The following SMAD2 variants were observed in gnomAD, a reference collection of about 807,000 sequenced individuals.
The protein encoded by SMAD2 is SMAD family member 2.
Under a neutral mutation model 64.4 loss-of-function variants are expected in SMAD2, and 8 were observed. The observed-to-expected ratio is 0.12, with a 90% CI of 0.07 to 0.22. The LOEUF (loss-of-function observed/expected upper bound fraction) is 0.22, where lower values mean the gene tolerates loss of function less well. Among genes scored for constraint, SMAD2 ranks in the 10% least tolerant of loss-of-function variants. The pLI, the probability that SMAD2 is intolerant of heterozygous loss-of-function variation, is 1.00. For synonymous variants in SMAD2, 203 were observed against 195.8 expected (o/e 1.04, Z -0.31); for missense variants, 289 against 561.2 (o/e 0.51, Z 4.90).
chr18:47,848,273 A>G (rs1036635933), intron 8 of SMAD2, among the ~76,000 whole-genome samples: 1 of 152,228 alleles, frequency 6.6e-6, no homozygotes, highest in Non-Finnish European at 1.5e-5. Flanking sequence ...GGTGCCAAAT[A>G]AAAGTTGAAG....
Position 47,837,773 on chromosome 18 carries a change from G to C in SMAD2, c.*4054C>G. ...TCAGAGTAAGAAAAAAGTATTCATT[G>C]TTCATGTCCACAGACTAGATATCTA... On this transcript the variant is annotated 3_prime_UTR_variant, in exon 11 of 11. Transcript: ENST00000262160. The C allele has an allele frequency of 4.3e-6, 1 of 232,928 alleles. No individual in the cohort carries two copies. Among genetic ancestry groups the C allele is most frequent in the Non-Finnish European group, 8.5e-6 (1 of 117,796 alleles). The allele number at this position is 232,928 out of a possible 1,614,324, so 14.4% of individuals were successfully genotyped here. A position where few individuals can be genotyped will look rare whatever the true frequency, so the allele number is the denominator to read the frequency against.
At chr18:47,855,992 A>T (rs2030640877) in intron 6 of SMAD2, among the ~76,000 whole-genome samples, 1 of 152,164 alleles carries the variant, frequency 6.6e-6, no homozygotes, top group Non-Finnish European at 1.5e-5. Flanking sequence ...TGAATAAATA[A>T]AGAAATGGAG....
intron 8 of SMAD2, among the ~76,000 whole-genome samples, chr18:47,846,043 AG>A (rs1234853000): frequency 2.0e-5 from 3 of 152,212 alleles, no homozygotes; most frequent in African/African-American, 7.2e-5. Flanking sequence ...TAAACAATGT[AG>A]AAAAAGTACA....
At chr18:47,904,163 T>A (rs765526436) in intron 1 of SMAD2, among the ~76,000 whole-genome samples, 4 of 150,628 alleles carry the variant, frequency 2.7e-5, no homozygotes, top group Admixed American at 6.7e-5. Context: ...ATTCACAAGC[T>A]CTTTTCCAAG....
chr18:47,927,847 C>T (rs765523418), intron 1 of SMAD2, among the ~76,000 whole-genome samples: 23 of 152,102 alleles, frequency 1.5e-4, no homozygotes, highest in Non-Finnish European at 8.8e-5. Context: ...TGCGGTGAGC[C>T]GAGATCGTGC....
Position 47,835,410 on chromosome 18 carries a change from G to GA in SMAD2, c.*6416dup, listed in dbSNP as rs1402536691. ...TTAAAGCAGGAACCTATATTCACCA[G>GA]AAAAGGATCCTCCTGTTTCTCATCA... On this transcript the variant is annotated 3_prime_UTR_variant, in exon 11 of 11. Coordinates refer to ENST00000262160, the MANE Select transcript of SMAD2 (RefSeq NM_005901.6). 4.9e-6 allele frequency: 1 copy of GA among 202,454 alleles called. No individual in the cohort carries two copies. Among genetic ancestry groups the GA allele is most frequent in the Non-Finnish European group, 1.0e-5 (1 of 98,570 alleles). 12.5% of individuals were successfully genotyped at this position (202,454 alleles called of 1,614,324 possible). A position where few individuals can be genotyped will look rare whatever the true frequency, so the allele number is the denominator to read the frequency against.
At chr18:47,870,335 G>A (rs893090486) in intron 3 of SMAD2, 140 bp downstream of exon 3, 16 of 661,068 alleles carry the variant, frequency 2.4e-5, no homozygotes, top group Non-Finnish European at 4.1e-5. Context: ...CTGGCAAGCA[G>A]ATATTTTAAA....
In SMAD2 at chr18:47,817,845, T is replaced by C. The variant is rs1177212242; in HGVS notation, c.*23982A>G. ...CACAGGATGGCTCTTTTAAAGCCAC[T>C]AGGGCAATCGCCACCAGTTAAAACA... is the stretch of plus-strand genomic sequence containing the variant. On this transcript the variant is annotated 3_prime_UTR_variant, in exon 11 of 11. Coordinates refer to ENST00000262160, the MANE Select transcript of SMAD2 (RefSeq NM_005901.6). 1.3e-5 allele frequency: 2 copies of C among 152,206 alleles called. No homozygotes were observed. Among genetic ancestry groups the C allele is most frequent in the South Asian group, 2.1e-4 (1 of 4,834 alleles). 9.4% of individuals were successfully genotyped at this position (152,206 alleles called of 1,614,324 possible).
At chr18:47,889,246 G>A (rs1053009758) in intron 2 of SMAD2, among the ~76,000 whole-genome samples, 5 of 152,120 alleles carry the variant, frequency 3.3e-5, no homozygotes, top group Non-Finnish European at 7.3e-5. Flanking sequence ...TAGTCCATGT[G>A]TGGGTATTGT....
chr18:47,915,286 C>T (rs946505184), intron 1 of SMAD2, among the ~76,000 whole-genome samples: 1 of 152,140 alleles, frequency 6.6e-6, no homozygotes, highest in Non-Finnish European at 1.5e-5. Flanking sequence ...ATATTGTATC[C>T]ATACAATACA....
At chr18:47,926,511 C>A (rs544631615) in intron 1 of SMAD2, among the ~76,000 whole-genome samples, 94 of 152,228 alleles carry the variant, frequency 6.2e-4, no homozygotes, top group African/African-American at 2.2e-3. Context: ...TACTCCCCAG[C>A]CCCCACCACA....
intron 1 of SMAD2, among the ~76,000 whole-genome samples, chr18:47,917,223 C>A (rs1326298392): frequency 6.6e-6 from 1 of 152,174 alleles, no homozygotes; most frequent in African/African-American, 2.4e-5. Context: ...TCTACCCTTT[C>A]ATAAATTACT....
chr18:47,919,827 A>T (rs1365475265), intron 1 of SMAD2, among the ~76,000 whole-genome samples: 1 of 152,192 alleles, frequency 6.6e-6, no homozygotes, highest in Non-Finnish European at 1.5e-5. Context: ...CTGATTCCAA[A>T]GATTACAACG....
intron 5 of SMAD2, among the ~76,000 whole-genome samples, chr18:47,865,505 C>T (rs2031491663): frequency 6.6e-6 from 1 of 152,072 alleles, no homozygotes. Context: ...GTTGTTTAAT[C>T]TAATGAACAT....
At chr18:47,860,900 C>CA (rs2031125671) in intron 6 of SMAD2, among the ~76,000 whole-genome samples, 1 of 152,054 alleles carries the variant, frequency 6.6e-6, no homozygotes, top group Admixed American at 6.5e-5. Context: ...ATACAATCTC[C>CA]AAAATATCCA....
At chr18:47,844,779 G>C (rs529716513) in intron 10 of SMAD2, 1 of 155,722 alleles carries the variant, frequency 6.4e-6, no homozygotes, top group African/African-American at 2.4e-5. Flanking sequence ...ATAATTTTTA[G>C]ATACTACACT....
chr18:47,893,922 T>C (rs924896121), intron 2 of SMAD2, among the ~76,000 whole-genome samples: 5 of 152,234 alleles, frequency 3.3e-5, no homozygotes, highest in East Asian at 1.9e-4. Context: ...AACAAGATAA[T>C]GGACAATTAT....
In SMAD2 at chr18:47,913,291, A is replaced by G. The variant is rs143795387; in HGVS notation, c.-53-16482T>C. On this transcript the variant is annotated intron_variant, in intron 1 of 10. Coordinates refer to ENST00000262160, the MANE Select transcript of SMAD2 (RefSeq NM_005901.6). ...ATTCCTGGGGATCTAAAAGTTTTCT[A>G]TAAAACCTTTACAATATTGTTTCTT... 7.4e-3 allele frequency among the ~76,000 whole-genome samples: 1,120 copies of G among 152,302 alleles called. 8 individuals are homozygous for G. Among genetic ancestry groups the G allele is most frequent in the African/African-American group, 0.025 (1,055 of 41,556 alleles).
intron 6 of SMAD2, among the ~76,000 whole-genome samples, chr18:47,864,551 G>A (rs1312300116): frequency 6.6e-6 from 1 of 152,098 alleles, no homozygotes; most frequent in African/African-American, 2.4e-5. Flanking sequence ...CGTAAGACGT[G>A]ATTTAAAGCT....
Sources: allele counts gnomAD v4.1 joint callset (sites outside exome capture counted in the v4.1 genomes callset), GRCh38; gene constraint gnomAD v4.1.1; transcripts MANE v1.5; gene names NCBI Gene and HGNC (gene_info 2026-07-23, HGNC 2026-07-21).